The following SAXO1 variants were observed in gnomAD, a reference collection of about 807,000 sequenced individuals.
SAXO1 encodes stabilizer of axonemal microtubules 1, also known as 4930500O09Rik.
SAXO1 carries 21 observed loss-of-function variants against 17.5 expected under a neutral mutation model. That is an observed-to-expected ratio of 1.20 (90% CI 0.85 to 1.72). SAXO1 has a LOEUF of 1.72. Among genes scored for constraint, SAXO1 ranks in the 40% most tolerant of loss-of-function variants. The probability of loss-of-function intolerance (pLI) is 0.00; values close to 1 mark genes in which losing one functional copy is unlikely to be tolerated. For missense variants in SAXO1, 843 were observed against 596.0 expected (o/e 1.41, Z -4.32); for synonymous variants, 274 against 216.5 (o/e 1.27, Z -2.33).
chr9:18,935,417 C>T (rs954437043), intron 3 of SAXO1, among the ~76,000 whole-genome samples: 5 of 152,178 alleles, frequency 3.3e-5, no homozygotes. Flanking sequence ...GCCTCCCCTA[C>T]ACAAGCACTA....
At position 19,026,994 on chromosome 9, in the gene SAXO1, G is replaced by A; in HGVS notation, c.38+5877C>T. ...CCAGCGCACATGGCTTCTGGACAGT[G>A]AGATCAAGATCATGAAGAGTTAACT... On this transcript the variant is annotated intron_variant, in intron 1 of 3. Coordinates refer to ENST00000380534, the MANE Select transcript of SAXO1 (RefSeq NM_153707.4). 13 of 899,994 alleles carry A rather than the reference G, an allele frequency of 1.4e-5. 3 individuals carry two copies. In the Middle Eastern group the frequency reaches 3.0e-3, roughly 207 times the overall value. The allele number at this position is 899,994 out of a possible 1,614,324, so 55.8% of individuals were successfully genotyped here. A position where few individuals can be genotyped will look rare whatever the true frequency, so the allele number is the denominator to read the frequency against.
chr9:18,952,728 A>T (rs1187966727), intron 1 of SAXO1, among the ~76,000 whole-genome samples: 1 of 152,212 alleles, frequency 6.6e-6, no homozygotes, highest in Non-Finnish European at 1.5e-5. Flanking sequence ...TACAAGGAAA[A>T]TCTTCCACAA....
At chr9:18,958,087 C>T (rs774732366) in intron 1 of SAXO1, among the ~76,000 whole-genome samples, 161 of 152,212 alleles carry the variant, frequency 1.1e-3, no homozygotes, top group Admixed American at 2.3e-3. Flanking sequence ...ATAACTCCAG[C>T]TTATACTCCA....
chr9:18,952,842 G>A (rs911914097), intron 1 of SAXO1, among the ~76,000 whole-genome samples: 9 of 152,154 alleles, frequency 5.9e-5, no homozygotes, highest in Non-Finnish European at 1.0e-4. Flanking sequence ...GGCACTTAGT[G>A]TACAAAGCTA....
At chr9:19,037,024 A>T (rs1835958975), upstream of SAXO1, among the ~76,000 whole-genome samples, 1 of 152,224 alleles carries the variant, frequency 6.6e-6, no homozygotes, top group Admixed American at 6.5e-5. Flanking sequence ...ACATGGAGTC[A>T]AAGGAGATCA....
At chr9:19,010,800 G>A (rs947289316) in intron 1 of SAXO1, among the ~76,000 whole-genome samples, 1 of 152,132 alleles carries the variant, frequency 6.6e-6, no homozygotes, top group South Asian at 2.1e-4. Context: ...CAGTGAGGAG[G>A]GGAAACCTTT....
At chr9:19,042,682 G>A (rs1836104894) in intron 1 of SAXO1, among the ~76,000 whole-genome samples, 1 of 152,142 alleles carries the variant, frequency 6.6e-6, no homozygotes, top group Admixed American at 6.5e-5. Flanking sequence ...GACCAACATG[G>A]AGAAACCCCG....
chr9:18,946,201 G>A (rs1198175313), intron 2 of SAXO1, among the ~76,000 whole-genome samples: 4 of 150,254 alleles, frequency 2.7e-5, no homozygotes, highest in Non-Finnish European at 4.4e-5. Context: ...GCTTGAACTC[G>A]GGAGGAGGAA....
intron 1 of SAXO1, among the ~76,000 whole-genome samples, chr9:18,988,747 T>C (rs1833692201): frequency 6.6e-6 from 1 of 152,228 alleles, no homozygotes; most frequent in Non-Finnish European, 1.5e-5. Context: ...TTTTATAATA[T>C]ATTAGTAACC....
chr9:18,996,550 C>A (rs1834009095), intron 1 of SAXO1, among the ~76,000 whole-genome samples: 1 of 152,188 alleles, frequency 6.6e-6, no homozygotes, highest in African/African-American at 2.4e-5. Context: ...ATCATATATT[C>A]AGTCTTTTGT....
intron 1 of SAXO1, among the ~76,000 whole-genome samples, chr9:18,995,226 T>C (rs1488781554): frequency 2.0e-5 from 3 of 152,214 alleles, no homozygotes; most frequent in African/African-American, 7.2e-5. Context: ...GTCAATATCC[T>C]CTTCTTAAGT....
At chr9:18,936,081 G>A (rs959343285) in intron 3 of SAXO1, among the ~76,000 whole-genome samples, 1 of 152,148 alleles carries the variant, frequency 6.6e-6, no homozygotes, top group Non-Finnish European at 1.5e-5. Context: ...GATTTTCACT[G>A]TTTTGTCCAG....
At chr9:19,045,173 G>A (rs555888490) in intron 1 of SAXO1, among the ~76,000 whole-genome samples, 23 of 150,910 alleles carry the variant, frequency 1.5e-4, no homozygotes, top group African/African-American at 5.4e-4. Flanking sequence ...AGCCGGGCGC[G>A]GTGGCGGGCG....
At chr9:18,976,614 G>GT (rs1833161965) in intron 1 of SAXO1, among the ~76,000 whole-genome samples, 1 of 150,768 alleles carries the variant, frequency 6.6e-6, no homozygotes, top group Non-Finnish European at 1.5e-5. Context: ...GTCTTTGATT[G>GT]TAACTATGGG....
chr9:19,007,758 T>A (rs1354253007), intron 1 of SAXO1, among the ~76,000 whole-genome samples: 1 of 152,238 alleles, frequency 6.6e-6, no homozygotes, highest in Non-Finnish European at 1.5e-5. Flanking sequence ...AATTTTTACA[T>A]TTTAAAATAG....
intron 1 of SAXO1, among the ~76,000 whole-genome samples, chr9:18,984,547 T>G (rs954429881): frequency 6.6e-5 from 10 of 152,246 alleles, no homozygotes; most frequent in Non-Finnish European, 1.3e-4. Context: ...ACTTTTATGT[T>G]GTAAAGAAGG....
chr9:18,932,122 C>T (rs1418124756), intron 3 of SAXO1, among the ~76,000 whole-genome samples: 4 of 152,132 alleles, frequency 2.6e-5, no homozygotes, highest in African/African-American at 9.7e-5. Flanking sequence ...AAATTCTTTG[C>T]CTGTCCCAAG....
intron 1 of SAXO1, among the ~76,000 whole-genome samples, chr9:18,977,700 A>G (rs965193687): frequency 1.3e-5 from 2 of 152,096 alleles, no homozygotes; most frequent in Admixed American, 1.3e-4. Context: ...TTCCTCAAAG[A>G]AAGTCCACAA....
intron 1 of SAXO1, among the ~76,000 whole-genome samples, chr9:18,962,641 C>T (rs1832535623): frequency 6.6e-6 from 1 of 151,058 alleles, no homozygotes; most frequent in African/African-American, 2.4e-5. Flanking sequence ...ATCGTTCACC[C>T]ACTTTTTGAT....
Sources: gnomAD v4.1 joint callset for allele counts (sites outside exome capture counted in the v4.1 genomes callset) on GRCh38, gnomAD v4.1.1 for gene constraint, MANE v1.5 for transcripts, NCBI Gene and HGNC (gene_info 2026-07-23, HGNC 2026-07-21) for gene names.